CNTN5: variants seen among roughly 807,000 people sequenced by gnomAD.
The protein encoded by CNTN5 is contactin 5, also known as contactin-5.
In CNTN5, 77 loss-of-function variants were observed where a neutral mutation model predicts 129.1. The observed-to-expected ratio is 0.60, with a 90% CI of 0.50 to 0.72. The LOEUF is 0.72. Among genes scored for constraint, CNTN5 ranks in the 30% least tolerant of loss-of-function variants. CNTN5 has a pLI of 0.00. For synonymous variants in CNTN5, 509 were observed against 465.6 expected, an observed-to-expected ratio of 1.09 and a Z score of -1.20; for missense variants, 1,478 against 1,328.8, an observed-to-expected ratio of 1.11 and a Z score of -1.75.
intron 1 of CNTN5, among the ~76,000 whole-genome samples, chr11:99,256,850 C>T (rs1862398536): frequency 6.6e-6 from 1 of 151,980 alleles, no homozygotes; most frequent in African/African-American, 2.4e-5. Context: ...ATCTACCCTA[C>T]AATCACACAT....
intron 3 of CNTN5, among the ~76,000 whole-genome samples, chr11:99,778,324 G>A (rs920242347): frequency 7.9e-5 from 12 of 151,750 alleles, no homozygotes; most frequent in African/African-American, 2.9e-4. Context: ...CAATGATTAG[G>A]TGTAGGTCTA....
intron 9 of CNTN5, among the ~76,000 whole-genome samples, chr11:100,055,770 C>T (rs1943194200): frequency 6.6e-6 from 1 of 151,434 alleles, no homozygotes; most frequent in African/African-American, 2.4e-5. Flanking sequence ...ATTGTATTTC[C>T]TGTGCTTATG....
intron 2 of CNTN5, among the ~76,000 whole-genome samples, chr11:99,487,155 G>C (rs1945850146): frequency 6.6e-6 from 1 of 152,204 alleles, no homozygotes; most frequent in Admixed American, 6.5e-5. Flanking sequence ...GTTTGGTTCT[G>C]CATGTTAAAG....
intron 10 of CNTN5, among the ~76,000 whole-genome samples, chr11:100,066,425 C>T (rs1291060276): frequency 6.6e-6 from 1 of 152,106 alleles, no homozygotes; most frequent in Non-Finnish European, 1.5e-5. Context: ...GCCAATAACA[C>T]TTAGCATTTA....
intron 3 of CNTN5, among the ~76,000 whole-genome samples, chr11:99,717,909 C>G (rs369828004): frequency 1.3e-5 from 2 of 152,054 alleles, no homozygotes; most frequent in African/African-American, 4.8e-5. Context: ...ATTTAAGTTG[C>G]ATAGATCCAA....
chr11:99,478,335 T>C (rs1945461062), intron 2 of CNTN5, among the ~76,000 whole-genome samples: 1 of 152,176 alleles, frequency 6.6e-6, no homozygotes, highest in African/African-American at 2.4e-5. Context: ...GGTCTTTGGC[T>C]GGGGGCCCAC....
At chr11:99,679,099 T>C (rs1591468115) in intron 3 of CNTN5, among the ~76,000 whole-genome samples, 1 of 121,574 alleles carries the variant, frequency 8.2e-6, no homozygotes, top group Non-Finnish European at 1.7e-5. Context: ...TATACACACA[T>C]ATATAGGAAA....
At chr11:99,839,837 T>G (rs1203991488) in intron 4 of CNTN5, among the ~76,000 whole-genome samples, 12 of 151,948 alleles carry the variant, frequency 7.9e-5, no homozygotes, top group Non-Finnish European at 2.9e-5. Flanking sequence ...AAAAAGAAGA[T>G]AAACCATTAC....
At chr11:99,741,087 T>G (rs1003289343) in intron 3 of CNTN5, among the ~76,000 whole-genome samples, 28 of 152,214 alleles carry the variant, frequency 1.8e-4, no homozygotes, top group Admixed American at 8.5e-4. Context: ...AGTAATGTGT[T>G]GTCTGGAACA....
At chr11:99,280,161 T>G (rs1863627675) in intron 1 of CNTN5, among the ~76,000 whole-genome samples, 1 of 151,704 alleles carries the variant, frequency 6.6e-6, no homozygotes, top group South Asian at 2.1e-4. Flanking sequence ...AGCTGAACAC[T>G]GACAATATAA....
intron 2 of CNTN5, among the ~76,000 whole-genome samples, chr11:99,430,343 A>G (rs1012150769): frequency 6.7e-6 from 1 of 150,194 alleles, no homozygotes; most frequent in Non-Finnish European, 1.5e-5. Context: ...CCGAAAAGAG[A>G]AGTGTAAAAT....
intron 1 of CNTN5, among the ~76,000 whole-genome samples, chr11:99,230,764 G>T (rs924893409): frequency 6.6e-6 from 1 of 152,084 alleles, no homozygotes; most frequent in African/African-American, 2.4e-5. Flanking sequence ...CCATCACATA[G>T]GTATTAAGCC....
intron 3 of CNTN5, among the ~76,000 whole-genome samples, chr11:99,617,127 A>T (rs986981787): frequency 7.9e-5 from 9 of 113,418 alleles, no homozygotes; most frequent in South Asian, 2.6e-4. Flanking sequence ...AACGTAACAA[A>T]AACAAAAACA....
intron 3 of CNTN5, among the ~76,000 whole-genome samples, chr11:99,589,217 C>T (rs1019788346): frequency 3.9e-5 from 6 of 152,100 alleles, no homozygotes; most frequent in African/African-American, 1.4e-4. Flanking sequence ...TGCTGTCTGC[C>T]TGAATAACAA....
At chr11:99,072,785 A>ATGTT (rs1865392250) in intron 1 of CNTN5, among the ~76,000 whole-genome samples, 1 of 152,158 alleles carries the variant, frequency 6.6e-6, no homozygotes, top group Non-Finnish European at 1.5e-5. Context: ...CATTCAATGA[A>ATGTT]TGTTTACATA....
intron 1 of CNTN5, among the ~76,000 whole-genome samples, chr11:99,083,795 T>A (rs761950599): frequency 6.6e-6 from 1 of 152,118 alleles, no homozygotes; most frequent in Admixed American, 6.5e-5. Flanking sequence ...TTCCACCCCA[T>A]AAGTCACTCA....
chr11:99,217,379 A>G (rs1860184352), intron 1 of CNTN5, among the ~76,000 whole-genome samples: 1 of 152,198 alleles, frequency 6.6e-6, no homozygotes, highest in African/African-American at 2.4e-5. Flanking sequence ...CAATAATGAG[A>G]TATCATCTCA....
intron 3 of CNTN5, among the ~76,000 whole-genome samples, chr11:99,772,173 T>C (rs984578206): frequency 6.6e-5 from 10 of 151,780 alleles, no homozygotes; most frequent in African/African-American, 1.7e-4. Flanking sequence ...TTTTTTTTTT[T>C]GCCATGTGCT....
intron 6 of CNTN5, among the ~76,000 whole-genome samples, chr11:99,890,519 C>T (rs1949030417): frequency 6.6e-6 from 1 of 151,632 alleles, no homozygotes; most frequent in East Asian, 1.9e-4. Context: ...ACATATATGA[C>T]TGAAACATAC....
Sources: allele counts gnomAD v4.1 joint callset (sites outside exome capture counted in the v4.1 genomes callset), GRCh38; gene constraint gnomAD v4.1.1; transcripts MANE v1.5; gene names NCBI Gene and HGNC (gene_info 2026-07-23, HGNC 2026-07-21).